The following EDA2R variants were observed in gnomAD, a reference collection of about 807,000 sequenced individuals.
EDA2R encodes tumor necrosis factor receptor superfamily member 27.
In EDA2R, 26 loss-of-function variants were observed where a neutral mutation model predicts 20.1. The observed-to-expected ratio is 1.30, with a 90% CI of 0.95 to 1.80. The LOEUF is 1.80. Ranked by LOEUF, EDA2R falls within the 40% of genes most tolerant of loss-of-function variation. The probability of loss-of-function intolerance (pLI) is 0.00; values close to 1 mark genes in which losing one functional copy is unlikely to be tolerated. For synonymous variants in EDA2R, 114 were observed against 88.7 expected, an observed-to-expected ratio of 1.29 and a Z score of -1.60; for missense variants, 277 against 228.7, an observed-to-expected ratio of 1.21 and a Z score of -1.36.
intron 2 of EDA2R, 144 bp from the exon 3 acceptor site, chrX:66,605,370 C>A: frequency 2.3e-6 from 1 of 428,011 alleles, no homozygotes; most frequent in Non-Finnish European, 3.8e-6. Context: ...TAGCTTCCAG[C>A]CAGCATTGAA....
chrX:66,618,455 A>T (rs1222914252), intron 1 of EDA2R, among the ~76,000 whole-genome samples: 1 of 112,195 alleles, frequency 8.9e-6, no homozygotes, highest in Non-Finnish European at 1.9e-5. Context: ...ATAAGAAAGA[A>T]TAATTATGTT....
chrX:66,615,061 C>T (rs1408123752), intron 2 of EDA2R, among the ~76,000 whole-genome samples: 1 of 111,656 alleles, frequency 9.0e-6, no homozygotes, highest in Non-Finnish European at 1.9e-5. Context: ...CCCAGTCACC[C>T]TAATTTGATT....
intron 1 of EDA2R, among the ~76,000 whole-genome samples, chrX:66,637,339 C>T (rs772764916): frequency 1.8e-5 from 2 of 111,792 alleles, no homozygotes; most frequent in East Asian, 5.6e-4. Flanking sequence ...CCTCTCTGCC[C>T]CTAGTTTATC....
chrX:66,628,623 C>A (rs1359087554), intron 1 of EDA2R, among the ~76,000 whole-genome samples: 6 of 108,996 alleles, frequency 5.5e-5, no homozygotes, highest in Admixed American at 2.0e-4. Flanking sequence ...AATACACCCC[C>A]CCAGCTTAAA....
At chrX:66,604,913 T>C (rs1459267857) in intron 3 of EDA2R, 135 bp downstream of exon 3, 1 of 590,385 alleles carries the variant, frequency 1.7e-6, no homozygotes, top group African/African-American at 2.3e-5. Flanking sequence ...ACACCACTTC[T>C]CTCTTCTGGG....
At chrX:66,628,815 G>A (rs1341133851) in intron 1 of EDA2R, among the ~76,000 whole-genome samples, 5 of 110,592 alleles carry the variant, frequency 4.5e-5, no homozygotes, top group African/African-American at 1.6e-4. Flanking sequence ...GATAGAGAAA[G>A]AGGGAAGCCA....
intron 6 of EDA2R, 49 bp from the exon 7 acceptor site, chrX:66,598,142 G>T: frequency 1.7e-6 from 1 of 582,564 alleles, no homozygotes; most frequent in Non-Finnish European, 2.4e-6. Flanking sequence ...AATCTCACTA[G>T]CACCCTTCTT....
intron 1 of EDA2R, among the ~76,000 whole-genome samples, chrX:66,626,359 A>C (rs1933076591): frequency 8.9e-6 from 1 of 112,244 alleles, no homozygotes; most frequent in Admixed American, 9.4e-5. Flanking sequence ...AAACTTTTAG[A>C]AATGCAAAAT....
chrX:66,632,991 T>C (rs1933984557), intron 1 of EDA2R, among the ~76,000 whole-genome samples: 1 of 111,825 alleles, frequency 8.9e-6, no homozygotes. Flanking sequence ...TCATCTATTC[T>C]CCTTTGTCTT....
chrX:66,602,531 G>A, intron 5 of EDA2R, 102 bp downstream of exon 5: 2 of 916,261 alleles, frequency 2.2e-6, no homozygotes, highest in Non-Finnish European at 3.0e-6. Context: ...TTTCAAGCAT[G>A]GTAGAAAAGG....
In EDA2R at chrX:66,597,998, T is replaced by A; in HGVS notation, c.*106A>T. ...TGCCCCATCTGTAGGGTATTAGCTC[T>A]TGTGGACATCACATTTCAGGCCCCT... On this transcript the variant is annotated 3_prime_UTR_variant, in exon 7 of 7. Coordinates refer to ENST00000374719, the MANE Select transcript of EDA2R (RefSeq NM_021783.5). 1 of 960,120 alleles carries A rather than the reference T, an allele frequency of 1.0e-6. No homozygotes were observed. The highest frequency in any genetic ancestry group is 2.1e-5 in the South Asian group (1 of 48,670). The allele number at this position is 960,120 out of a possible 1,213,427, so 79.1% of individuals were successfully genotyped here. A position where few individuals can be genotyped will look rare whatever the true frequency, so the allele number is the denominator to read the frequency against.
intron 2 of EDA2R, 50 bp from the exon 3 acceptor site, chrX:66,605,276 G>A: frequency 8.9e-7 from 1 of 1,126,984 alleles, no homozygotes; most frequent in Non-Finnish European, 1.2e-6. Flanking sequence ...GCTTGGAGAT[G>A]GGATCACCTG....
chrX:66,602,585 A>T, intron 5 of EDA2R, 48 bp downstream of exon 5: 1 of 1,138,946 alleles, frequency 8.8e-7, no homozygotes, highest in Non-Finnish European at 1.2e-6. Context: ...TTCTGCCAAT[A>T]AGAGCCTTGT....
intron 2 of EDA2R, among the ~76,000 whole-genome samples, chrX:66,606,026 C>T (rs1349651235): frequency 9.0e-6 from 1 of 111,385 alleles, no homozygotes; most frequent in Non-Finnish European, 1.9e-5. Flanking sequence ...CATATTCCTT[C>T]CCCCCGACCC....
At chrX:66,600,999 C>A (rs960133202) in intron 5 of EDA2R, among the ~76,000 whole-genome samples, 2 of 112,084 alleles carry the variant, frequency 1.8e-5, no homozygotes, top group Admixed American at 1.9e-4. Context: ...TCTCTTGCAA[C>A]CTTACACTGG....
chrX:66,600,111 C>A (rs987611410), intron 5 of EDA2R: 3 of 1,134,262 alleles, frequency 2.6e-6, no homozygotes, highest in African/African-American at 1.8e-5. Context: ...GAAAAAGAAA[C>A]CTTTGTGGGA....
intron 1 of EDA2R, among the ~76,000 whole-genome samples, chrX:66,635,328 C>T (rs1280928368): frequency 2.7e-5 from 3 of 112,088 alleles, no homozygotes; most frequent in Non-Finnish European, 3.8e-5. Flanking sequence ...TAATAGTAGT[C>T]GTATTTTACA....
chrX:66,637,893 T>A (rs948842558), intron 1 of EDA2R, among the ~76,000 whole-genome samples: 8 of 111,858 alleles, frequency 7.2e-5, no homozygotes, highest in South Asian at 3.7e-4. Flanking sequence ...ATTTTATTTG[T>A]CCATGGTAAC....
intron 1 of EDA2R, among the ~76,000 whole-genome samples, chrX:66,623,365 G>A (rs1932816715): frequency 9.0e-6 from 1 of 111,463 alleles, no homozygotes; most frequent in Non-Finnish European, 1.9e-5. Flanking sequence ...AAAGATAAAG[G>A]GGATAAAACA....
Sources: gnomAD v4.1 joint callset for allele counts (sites outside exome capture counted in the v4.1 genomes callset) on GRCh38, gnomAD v4.1.1 for gene constraint, MANE v1.5 for transcripts, NCBI Gene and HGNC (gene_info 2026-07-23, HGNC 2026-07-21) for gene names.